NAF1: variants seen among roughly 807,000 people sequenced by gnomAD.
NAF1 encodes the protein H/ACA ribonucleoprotein complex non-core subunit NAF1.
A neutral mutation model predicts 40.6 loss-of-function variants in NAF1; 11 were observed. The observed-to-expected ratio is 0.27, with a 90% CI of 0.17 to 0.45. NAF1 has a LOEUF of 0.45. Among genes scored for constraint, NAF1 ranks in the 20% least tolerant of loss-of-function variants. NAF1 has a pLI of 1.00. For missense variants in NAF1, 607 were observed against 611.1 expected (o/e 0.99, Z 0.07); for synonymous variants, 260 against 228.5 (o/e 1.14, Z -1.24).
intron 2 of NAF1, chr4:163,120,061 C>T (rs921831708): frequency 1.1e-4 from 17 of 152,166 alleles, no homozygotes; most frequent in African/African-American, 3.6e-4. Context: ...TATAATTGAG[C>T]CTAACAGTGC....
chr4:163,109,324 A>C (rs1296705532), downstream of NAF1, among the ~76,000 whole-genome samples: 7 of 152,044 alleles, frequency 4.6e-5, no homozygotes, highest in Admixed American at 3.9e-4. Flanking sequence ...ATTTATAGAG[A>C]ATTTATACCA....
At chr4:163,152,040 A>G (rs1046267701) in intron 2 of NAF1, among the ~76,000 whole-genome samples, 1 of 152,116 alleles carries the variant, frequency 6.6e-6, no homozygotes, top group Non-Finnish European at 1.5e-5. Flanking sequence ...CTTCTTTTCA[A>G]TATTAGTACA....
chr4:163,113,984 G>A (rs1371475783), intron 2 of NAF1, among the ~76,000 whole-genome samples: 1 of 152,072 alleles, frequency 6.6e-6, no homozygotes, highest in Non-Finnish European at 1.5e-5. Context: ...TATTAGCCAA[G>A]ATTCGGTCAG....
downstream of NAF1, among the ~76,000 whole-genome samples, chr4:163,122,715 C>G (rs1018294710): frequency 3.9e-5 from 6 of 152,264 alleles, no homozygotes; most frequent in South Asian, 2.1e-4. Context: ...AGGGCTCCCC[C>G]CTCACTGGGG....
chr4:163,166,698 C>G lies in NAF1; in HGVS notation c.30G>C (p.Gln10His). MEVVEAAAA[Q>H]LETLKFNGTD... ...TGCCATTGAATTTCAGAGTTTCCAG[C>G]TGAGCGGCGGCGGCCTCCACTACCT... The change falls in exon 1 of 8, where the codon CAG becomes CAC. Residue 10 changes from glutamine to histidine, a missense_variant. Physicochemically the swap from Gln to His is conservative, Grantham distance 24 (BLOSUM62 0). Coordinates refer to ENST00000274054, the MANE Select transcript of NAF1 (RefSeq NM_138386.3). 1 of 1,613,772 alleles carries G rather than the reference C, an allele frequency of 6.2e-7. No homozygotes were observed. The highest frequency in any genetic ancestry group is 1.1e-5 in the South Asian group (1 of 91,084).
intron 2 of NAF1, chr4:163,110,373 A>C: frequency 4.6e-6 from 3 of 654,780 alleles, no homozygotes; most frequent in South Asian, 3.4e-5. Flanking sequence ...TATTGTTATA[A>C]TTGTCCTATT....
rs541211148 is a variant in NAF1 at position 163,143,502 on chromosome 4, G to C, written c.717+2280C>G. ...AGGTGCACAGACAATACAGCAAAAG[G>C]GAGAATGAGCTGTACTCTCCTCCCC... On this transcript the variant is annotated intron_variant, in intron 4 of 7. Coordinates refer to ENST00000274054, the MANE Select transcript of NAF1 (RefSeq NM_138386.3). Among the ~76,000 whole-genome samples, 8 of 152,284 alleles carry C rather than the reference G, an allele frequency of 5.3e-5. No individual in the cohort carries two copies. In the South Asian group the frequency reaches 1.2e-3, roughly 24 times the overall value.
chr4:163,144,745 ATATTT>A (rs1448203856), intron 4 of NAF1, among the ~76,000 whole-genome samples: 9 of 152,212 alleles, frequency 5.9e-5, no homozygotes, highest in Non-Finnish European at 1.2e-4. Flanking sequence ...TGTAAATGTT[ATATTT>A]TATCTGACTC....
chr4:163,118,499 T>A (rs748438693), intron 2 of NAF1, among the ~76,000 whole-genome samples: 62 of 152,232 alleles, frequency 4.1e-4, no homozygotes, highest in Non-Finnish European at 6.6e-4. Context: ...ACGCCTGTAA[T>A]CCCAGCACTT....
chr4:163,113,182 A>G (rs1730215878), intron 2 of NAF1, among the ~76,000 whole-genome samples: 1 of 152,154 alleles, frequency 6.6e-6, no homozygotes, highest in Admixed American at 6.6e-5. Flanking sequence ...GAAATAATAC[A>G]TATATAGATA....
intron 2 of NAF1, among the ~76,000 whole-genome samples, chr4:163,160,071 T>C (rs1052455163): frequency 6.6e-6 from 1 of 152,148 alleles, no homozygotes. Context: ...AAAAAGAATC[T>C]CAATTTTCCA....
chr4:163,125,701 C>G (rs1183213986), downstream of NAF1, among the ~76,000 whole-genome samples: 2 of 152,190 alleles, frequency 1.3e-5, no homozygotes, highest in Admixed American at 6.5e-5. Context: ...GATGGATGCA[C>G]TAAACACTAA....
downstream of NAF1, among the ~76,000 whole-genome samples, chr4:163,109,203 C>T (rs2110786421): frequency 6.8e-6 from 1 of 146,184 alleles, no homozygotes; most frequent in South Asian, 2.2e-4. Context: ...CTTGGAGGGG[C>T]TAAGTGAATA....
intron 2 of NAF1, among the ~76,000 whole-genome samples, chr4:163,153,415 A>G (rs1260476358): frequency 6.6e-6 from 1 of 152,124 alleles, no homozygotes; most frequent in Non-Finnish European, 1.5e-5. Flanking sequence ...AAGTGCACCA[A>G]TCGACACTCT....
At chr4:163,143,010 A>AT (rs1731322088) in intron 4 of NAF1, among the ~76,000 whole-genome samples, 1 of 152,220 alleles carries the variant, frequency 6.6e-6, no homozygotes, top group South Asian at 2.1e-4. Flanking sequence ...TAAGGAGAGT[A>AT]TAAGAAACTG....
chr4:163,165,559 C>G (rs1051623261), intron 1 of NAF1, among the ~76,000 whole-genome samples: 2 of 152,174 alleles, frequency 1.3e-5, no homozygotes, highest in African/African-American at 2.4e-5. Context: ...TCCTTCTACT[C>G]AAATCCTTCA....
At chr4:163,126,773 G>GCA (rs1579133612), downstream of NAF1, 1 of 460,616 alleles carries the variant, frequency 2.2e-6, no homozygotes. Flanking sequence ...AATTAATGTA[G>GCA]CACACTTCAC....
chr4:163,113,426 T>A (rs937628755), intron 2 of NAF1, among the ~76,000 whole-genome samples: 1 of 152,136 alleles, frequency 6.6e-6, no homozygotes, highest in African/African-American at 2.4e-5. Context: ...AGTTTTAATT[T>A]TTTCATCTTT....
chr4:163,127,919 T>C (rs1408898462), downstream of NAF1, among the ~76,000 whole-genome samples: 1 of 152,186 alleles, frequency 6.6e-6, no homozygotes, highest in Non-Finnish European at 1.5e-5. Context: ...CCAGAAGAAC[T>C]AGGTTCAACT....
Sources: allele counts gnomAD v4.1 joint callset (sites outside exome capture counted in the v4.1 genomes callset), GRCh38; gene constraint gnomAD v4.1.1; transcripts MANE v1.5; gene names NCBI Gene and HGNC (gene_info 2026-07-23, HGNC 2026-07-21).